The following EFCAB11 variants were observed in gnomAD, a reference collection of about 807,000 sequenced individuals.
EFCAB11 encodes EF-hand calcium binding domain 11.
A neutral mutation model predicts 23.0 loss-of-function variants in EFCAB11; 14 were observed. The ratio of observed to expected loss-of-function variants is 0.61; its 90% confidence interval spans 0.40 to 0.95. EFCAB11 has a LOEUF of 0.95. Among genes scored for constraint, EFCAB11 ranks in the 40% least tolerant of loss-of-function variants. The probability of loss-of-function intolerance (pLI) is 0.00; values close to 1 mark genes in which losing one functional copy is unlikely to be tolerated. For missense variants in EFCAB11, 198 were observed against 195.8 expected (o/e 1.01, Z -0.07); for synonymous variants, 65 against 66.6 (o/e 0.98, Z 0.11).
chr14:89,871,135 C>A (rs763631727), intron 5 of EFCAB11, among the ~76,000 whole-genome samples: 1 of 152,076 alleles, frequency 6.6e-6, no homozygotes, highest in South Asian at 2.1e-4. Context: ...CTGTGAAAAT[C>A]TTTGAGACCT....
chr14:89,954,342 G>C, intron 1 of EFCAB11: 1 of 1,535,744 alleles, frequency 6.5e-7, no homozygotes. Flanking sequence ...GAGAGATGCA[G>C]ACTCAAGGTT....
chr14:89,804,485 C>T (rs930519824), intron 5 of EFCAB11, among the ~76,000 whole-genome samples: 4 of 152,224 alleles, frequency 2.6e-5, no homozygotes, highest in East Asian at 1.9e-4. Flanking sequence ...AAGCTCCAAT[C>T]GCTCATAGTA....
intron 5 of EFCAB11, among the ~76,000 whole-genome samples, chr14:89,883,211 T>C (rs1395284593): frequency 1.3e-5 from 2 of 152,228 alleles, no homozygotes; most frequent in African/African-American, 4.8e-5. Flanking sequence ...TGGACTAAGA[T>C]AGTTATCTTA....
At chr14:89,834,033 T>C (rs1424962088) in intron 5 of EFCAB11, among the ~76,000 whole-genome samples, 4 of 152,140 alleles carry the variant, frequency 2.6e-5, no homozygotes, top group Non-Finnish European at 4.4e-5. Context: ...TAATACATCA[T>C]TTATAATTGG....
chr14:89,866,022 T>C (rs1888081452), intron 5 of EFCAB11, among the ~76,000 whole-genome samples: 1 of 152,060 alleles, frequency 6.6e-6, no homozygotes, highest in African/African-American at 2.4e-5. Context: ...TGAGCTCAAG[T>C]GATCCGCCCA....
intron 5 of EFCAB11, among the ~76,000 whole-genome samples, chr14:89,872,621 TG>T (rs1888316311): frequency 6.6e-6 from 1 of 152,166 alleles, no homozygotes; most frequent in South Asian, 2.1e-4. Flanking sequence ...CGGGCTGAAT[TG>T]TGTCCCCCAA....
At chr14:89,920,095 C>A (rs1304526276) in intron 5 of EFCAB11, among the ~76,000 whole-genome samples, 2 of 152,202 alleles carry the variant, frequency 1.3e-5, no homozygotes, top group Admixed American at 6.5e-5. Context: ...ATTTATTTGG[C>A]AAATCCTTTG....
chr14:89,951,226 C>A (rs1891153472), intron 2 of EFCAB11, among the ~76,000 whole-genome samples: 1 of 152,164 alleles, frequency 6.6e-6, no homozygotes, highest in African/African-American at 2.4e-5. Context: ...TTCCTCTGAA[C>A]CTACTCTTAA....
chr14:89,954,346 C>T, intron 1 of EFCAB11: 1 of 1,535,994 alleles, frequency 6.5e-7, no homozygotes, highest in East Asian at 2.4e-5. Context: ...GATGCAGACT[C>T]AAGGTTACCA....
chr14:89,800,007 G>A (rs1885719485), intron 5 of EFCAB11, among the ~76,000 whole-genome samples: 1 of 152,088 alleles, frequency 6.6e-6, no homozygotes, highest in African/African-American at 2.4e-5. Flanking sequence ...CCAATGTGGT[G>A]AAACCCAATC....
chr14:89,900,818 T>A (rs187912536), intron 5 of EFCAB11, among the ~76,000 whole-genome samples: 1 of 152,354 alleles, frequency 6.6e-6, no homozygotes, highest in Non-Finnish European at 1.5e-5. Flanking sequence ...AGGTAAATTA[T>A]TGCTTTTTTT....
chr14:89,887,554 G>A (rs940043924), intron 5 of EFCAB11, among the ~76,000 whole-genome samples: 1 of 152,140 alleles, frequency 6.6e-6, no homozygotes, highest in Non-Finnish European at 1.5e-5. Flanking sequence ...TCCTTATGTG[G>A]TATTTAAGTA....
At chr14:89,877,347 T>G (rs993685236) in intron 5 of EFCAB11, among the ~76,000 whole-genome samples, 2 of 152,074 alleles carry the variant, frequency 1.3e-5, no homozygotes, top group Non-Finnish European at 2.9e-5. Flanking sequence ...CAACCAAAAG[T>G]ATTTTTGAGT....
chr14:89,868,130 G>A (rs1217180980), intron 5 of EFCAB11, among the ~76,000 whole-genome samples: 6 of 152,148 alleles, frequency 3.9e-5, no homozygotes, highest in African/African-American at 9.7e-5. Flanking sequence ...TTTGTCTCTT[G>A]CACAGGGGAA....
At chr14:89,878,981 C>A (rs1272814429) in intron 5 of EFCAB11, among the ~76,000 whole-genome samples, 9 of 151,780 alleles carry the variant, frequency 5.9e-5, no homozygotes, top group Admixed American at 5.3e-4. Flanking sequence ...GTATTATTTT[C>A]TTCTATTACT....
At chr14:89,903,709 C>G (rs10144075) in intron 5 of EFCAB11, among the ~76,000 whole-genome samples, 3,818 of 152,174 alleles carry the variant, frequency 0.025, 181 homozygotes, top group African/African-American at 0.086. Context: ...AGAGATAAAA[C>G]AGAACTATGG....
intron 5 of EFCAB11, among the ~76,000 whole-genome samples, chr14:89,867,528 C>A (rs1348410437): frequency 1.3e-5 from 2 of 152,220 alleles, no homozygotes; most frequent in Admixed American, 6.5e-5. Flanking sequence ...GGCTGCTCTG[C>A]CTCCAGGGTG....
chr14:89,894,136 G>T (rs760969278), intron 5 of EFCAB11, among the ~76,000 whole-genome samples: 3 of 152,072 alleles, frequency 2.0e-5, no homozygotes, highest in Non-Finnish European at 2.9e-5. Flanking sequence ...ATTTTTAGTA[G>T]AGATGGGGTT....
intron 5 of EFCAB11, among the ~76,000 whole-genome samples, chr14:89,811,953 A>G (rs1886163723): frequency 6.6e-6 from 1 of 152,238 alleles, no homozygotes. Flanking sequence ...CATTGGAAGT[A>G]TTATTCATCT....
Sources: allele counts gnomAD v4.1 joint callset (sites outside exome capture counted in the v4.1 genomes callset), GRCh38; gene constraint gnomAD v4.1.1; transcripts MANE v1.5; gene names NCBI Gene and HGNC (gene_info 2026-07-23, HGNC 2026-07-21).